The following YAP1 variants were observed in gnomAD, a reference collection of about 807,000 sequenced individuals.
YAP1 encodes Yes1 associated transcriptional regulator, also known as transcriptional coactivator YAP1.
YAP1 carries 5 observed loss-of-function variants against 56.9 expected under a neutral mutation model. The observed-to-expected ratio is 0.09, with a 90% CI of 0.05 to 0.18. YAP1 has a LOEUF of 0.18. YAP1 is among the 10% of genes least tolerant of loss of function. The probability of loss-of-function intolerance (pLI) is 1.00; values close to 1 mark genes in which losing one functional copy is unlikely to be tolerated. For missense variants in YAP1, 539 were observed against 651.8 expected (o/e 0.83, Z 1.88); for synonymous variants, 265 against 248.1 (o/e 1.07, Z -0.64).
intron 4 of YAP1, among the ~76,000 whole-genome samples, chr11:102,192,375 A>G (rs1948338120): frequency 6.6e-6 from 1 of 152,232 alleles, no homozygotes; most frequent in African/African-American, 2.4e-5. Flanking sequence ...TTATCCTGTG[A>G]GAAAAATAGT....
intron 7 of YAP1, among the ~76,000 whole-genome samples, chr11:102,226,114 A>G (rs1950182110): frequency 6.6e-6 from 1 of 152,260 alleles, no homozygotes; most frequent in South Asian, 2.1e-4. Context: ...GCAGCCGAAT[A>G]GAGTGATGAC....
At chr11:102,184,149 A>T (rs1365962918) in intron 3 of YAP1, among the ~76,000 whole-genome samples, 1 of 151,826 alleles carries the variant, frequency 6.6e-6, no homozygotes, top group Non-Finnish European at 1.5e-5. Flanking sequence ...AAAGGCATTC[A>T]GTGATTGCTA....
chr11:102,157,208 A>G (rs1946007056), intron 2 of YAP1, among the ~76,000 whole-genome samples: 1 of 152,212 alleles, frequency 6.6e-6, no homozygotes, highest in Non-Finnish European at 1.5e-5. Flanking sequence ...CATGCATGTC[A>G]AGGAAATATA....
chr11:102,221,732 A>T (rs934434286), intron 6 of YAP1, among the ~76,000 whole-genome samples: 12 of 140,220 alleles, frequency 8.6e-5, no homozygotes, highest in African/African-American at 2.4e-4. Context: ...CAAAAAGATT[A>T]AAAAAAAAAA....
chr11:102,170,798 G>A (rs776276695), intron 3 of YAP1, among the ~76,000 whole-genome samples: 26 of 151,790 alleles, frequency 1.7e-4, no homozygotes, highest in African/African-American at 5.3e-4. Flanking sequence ...GTGAAACCCC[G>A]TCTCTACTAA....
chr11:102,154,167 C>T (rs1433869188), intron 2 of YAP1, among the ~76,000 whole-genome samples: 2 of 152,094 alleles, frequency 1.3e-5, no homozygotes, highest in Non-Finnish European at 1.5e-5. Flanking sequence ...GCTGTATTTT[C>T]ACTGACAGGA....
At chr11:102,204,482 G>T (rs574773170) in intron 4 of YAP1, among the ~76,000 whole-genome samples, 4 of 152,086 alleles carry the variant, frequency 2.6e-5, no homozygotes, top group Non-Finnish European at 5.9e-5. Context: ...TTAGAATCAG[G>T]CAATAAATGT....
chr11:102,202,596 T>G (rs548497472), intron 4 of YAP1, among the ~76,000 whole-genome samples: 1 of 152,210 alleles, frequency 6.6e-6, no homozygotes, highest in Non-Finnish European at 1.5e-5. Flanking sequence ...GTATCTTACC[T>G]GTACAAATTA....
intron 3 of YAP1, among the ~76,000 whole-genome samples, chr11:102,173,328 C>G (rs1947032218): frequency 6.6e-6 from 1 of 152,074 alleles, no homozygotes; most frequent in South Asian, 2.1e-4. Context: ...TGAGCCTTGT[C>G]CTGAAAATGT....
chr11:102,162,463 G>T lies in YAP1; in HGVS notation c.580G>T (p.Asp194Tyr), dbSNP rs750561016. 5.6e-6 allele frequency: 9 copies of T among 1,613,898 alleles called. No homozygotes were observed. The South Asian group carries it at 9.9e-5, about 18-fold the overall frequency. ...TGGTTTGTTTTGTCTTAGTCACATC[G>T]ATCAGACAACAACATGGCAGGACCC... ...SGQRYFLNHI[D>Y]QTTTWQDPRK... The change falls in exon 3 of 9, where the codon GAT (aspartate) becomes TAT (tyrosine). Residue 194 changes from aspartate to tyrosine, a missense_variant. Transcript: ENST00000282441.
intron 2 of YAP1, among the ~76,000 whole-genome samples, chr11:102,133,306 G>GT (rs1210268525): frequency 6.6e-6 from 1 of 151,992 alleles, no homozygotes; most frequent in Non-Finnish European, 1.5e-5. Context: ...GAATTTTTGG[G>GT]TTTTTTTGGG....
intron 2 of YAP1, among the ~76,000 whole-genome samples, chr11:102,153,842 A>T (rs567577426): frequency 2.9e-4 from 43 of 150,552 alleles, no homozygotes; most frequent in African/African-American, 9.9e-4. Context: ...CTCTCCATAC[A>T]GAGGAACTCT....
chr11:102,176,771 AAAAAAG>A (rs1462482701), intron 3 of YAP1, among the ~76,000 whole-genome samples: 7 of 145,528 alleles, frequency 4.8e-5, no homozygotes, highest in South Asian at 2.2e-4. Context: ...AAAAAAAAAA[AAAAAAG>A]AGTAGAATTT....
At chr11:102,182,045 C>T (rs186455478) in intron 3 of YAP1, among the ~76,000 whole-genome samples, 36 of 152,290 alleles carry the variant, frequency 2.4e-4, no homozygotes, top group African/African-American at 8.7e-4. Flanking sequence ...TGGCCTCAAA[C>T]TCCTGACCTC....
At chr11:102,188,018 C>G (rs950342282) in intron 4 of YAP1, among the ~76,000 whole-genome samples, 11 of 152,062 alleles carry the variant, frequency 7.2e-5, no homozygotes, top group African/African-American at 2.7e-4. Flanking sequence ...TCAAGTGTAA[C>G]TGAAGGGGGG....
At chr11:102,168,524 G>T (rs987334712) in intron 3 of YAP1, among the ~76,000 whole-genome samples, 2 of 152,106 alleles carry the variant, frequency 1.3e-5, no homozygotes, top group Non-Finnish European at 2.9e-5. Context: ...GGATTTATTT[G>T]ACAGTTCCCA....
chr11:102,203,422 A>G (rs1179743992), intron 4 of YAP1, among the ~76,000 whole-genome samples: 1 of 152,228 alleles, frequency 6.6e-6, no homozygotes, highest in Admixed American at 6.5e-5. Flanking sequence ...GTAAATTTTG[A>G]TAGTGTAATC....
chr11:102,215,993 C>G (rs1051152826), intron 6 of YAP1, among the ~76,000 whole-genome samples: 1 of 152,158 alleles, frequency 6.6e-6, no homozygotes, highest in Admixed American at 6.5e-5. Flanking sequence ...CTCTGCCTCC[C>G]ATACAAGCGC....
At chr11:102,227,264 A>C (rs1259255473) in intron 7 of YAP1, among the ~76,000 whole-genome samples, 1 of 152,190 alleles carries the variant, frequency 6.6e-6, no homozygotes, top group East Asian at 1.9e-4. Context: ...TGCCAGCTTC[A>C]ATTAGGATTA....
Sources: allele counts gnomAD v4.1 joint callset (sites outside exome capture counted in the v4.1 genomes callset), GRCh38; gene constraint gnomAD v4.1.1; transcripts MANE v1.5; gene names NCBI Gene and HGNC (gene_info 2026-07-23, HGNC 2026-07-21).